Variants in TMEM132E observed in about 807,000 individuals in gnomAD.
TMEM132E encodes the protein transmembrane protein 132E.
Under a neutral mutation model 78.5 loss-of-function variants are expected in TMEM132E, and 49 were observed. The ratio of observed to expected loss-of-function variants is 0.62; its 90% CI spans 0.50 to 0.79. The LOEUF (loss-of-function observed/expected upper bound fraction) is 0.79, where lower values mean the gene tolerates loss of function less well. Among genes scored for constraint, TMEM132E ranks in the 30% least tolerant of loss-of-function variants. TMEM132E has a pLI of 0.00. For synonymous variants in TMEM132E, 715 were observed against 670.6 expected (o/e 1.07, Z -1.02); for missense variants, 1,403 against 1,470.9 (o/e 0.95, Z 0.75).
intron 1 of TMEM132E, among the ~76,000 whole-genome samples, chr17:34,598,761 T>C (rs1567712771): frequency 6.6e-6 from 1 of 152,196 alleles, no homozygotes; most frequent in Non-Finnish European, 1.5e-5. Context: ...TTCCACCAAC[T>C]TGGGGATGTG....
chr17:34,590,330 C>T (rs914275826), intron 1 of TMEM132E, among the ~76,000 whole-genome samples: 22 of 152,332 alleles, frequency 1.4e-4, no homozygotes, highest in Admixed American at 5.9e-4. Flanking sequence ...CCTCCACTCT[C>T]ACCCTTTCCC....
chr17:34,587,780 T>C lies in TMEM132E; in HGVS notation c.67+6637T>C, dbSNP rs73988728. Reference sequence around the variant, plus strand: ...GCCACACACTGCTAAGCTTGAGCATTCTAACTCTTCTGCAGTTCAGATCCA... The same window carrying C: ...GCCACACACTGCTAAGCTTGAGCATCCTAACTCTTCTGCAGTTCAGATCCA... On this transcript the variant is annotated intron_variant, in intron 1 of 8. Transcript: ENST00000631683. 3.7e-3 allele frequency among the ~76,000 whole-genome samples: 562 copies of C among 152,300 alleles called. 7 individuals are homozygous for C. Among genetic ancestry groups the C allele is most frequent in the African/African-American group, 0.013 (538 of 41,566 alleles).
chr17:34,605,462 C>A (rs1314341193), intron 1 of TMEM132E, among the ~76,000 whole-genome samples: 3 of 152,094 alleles, frequency 2.0e-5, no homozygotes, highest in Non-Finnish European at 4.4e-5. Flanking sequence ...CCCCAAGTAC[C>A]CCCAGCATCA....
chr17:34,603,706 C>T (rs4795013), intron 1 of TMEM132E, among the ~76,000 whole-genome samples: 85,092 of 152,010 alleles, frequency 0.56, 25,064 homozygotes, highest in Admixed American at 0.71. Context: ...CTGTCCTCCC[C>T]TCCCTAAGCC....
intron 1 of TMEM132E, among the ~76,000 whole-genome samples, chr17:34,623,149 C>G (rs905709165): frequency 6.6e-6 from 1 of 152,142 alleles, no homozygotes; most frequent in African/African-American, 2.4e-5. Flanking sequence ...TTGGTTTTGC[C>G]AGACCAGGTC....
chr17:34,617,937 G>C (rs1722762445), intron 1 of TMEM132E, among the ~76,000 whole-genome samples: 1 of 152,026 alleles, frequency 6.6e-6, no homozygotes, highest in Non-Finnish European at 1.5e-5. Context: ...CCACCCCCTA[G>C]AGATAACCAC....
intron 1 of TMEM132E, among the ~76,000 whole-genome samples, chr17:34,612,795 G>A (rs960694522): frequency 2.6e-5 from 4 of 152,084 alleles, no homozygotes; most frequent in African/African-American, 4.8e-5. Context: ...CAGGAGGGCC[G>A]GTGGGGCCTA....
chr17:34,606,647 C>A (rs1906421586), intron 1 of TMEM132E, among the ~76,000 whole-genome samples: 1 of 152,214 alleles, frequency 6.6e-6, no homozygotes, highest in South Asian at 2.1e-4. Flanking sequence ...AGCTATGAGC[C>A]CAGTCTCATT....
chr17:34,624,068 A>C (rs1907048835), intron 1 of TMEM132E, among the ~76,000 whole-genome samples: 1 of 152,154 alleles, frequency 6.6e-6, no homozygotes, highest in East Asian at 1.9e-4. Context: ...CGCCTCTTAA[A>C]ACAACTGACC....
In TMEM132E at chr17:34,638,213, G is replaced by A. The variant is rs925259861; in HGVS notation, c.3206G>A (p.Arg1069Lys). The stretch of plus-strand genomic sequence containing the variant: ...CCGGACCTGCACAATTACATGCGCA[G>A]AATCAAAGAGATTGCATAGAGGCGC... ...APPDLHNYMR[R>K]IKEIA The change falls in exon 9 of 9, where the codon AGA (arginine) becomes AAA (lysine). Residue 1069 changes from arginine to lysine, a missense_variant. Coordinates refer to ENST00000631683, the MANE Select transcript of TMEM132E (RefSeq NM_001304438.2). 1.9e-6 allele frequency: 3 copies of A among 1,593,648 alleles called. No individual in the cohort carries two copies. Among genetic ancestry groups the A allele is most frequent in the African/African-American group, 1.3e-5 (1 of 74,180 alleles).
rs753259918 is a variant in TMEM132E at position 34,626,389 on chromosome 17, G to A, written c.330G>A (p.Pro110=). 6.2e-7 allele frequency: 1 copy of A among 1,613,148 alleles called. No individual in the cohort carries two copies. The highest frequency in any genetic ancestry group is 8.5e-7 in the Non-Finnish European group (1 of 1,179,822). ...SQVVARELLQ[P]SSTLDIPERL... ...TGGTGGCGCGGGAGCTCCTGCAGCC[G>A]TCCAGCACCCTGGACATCCCCGAGC... is the stretch of plus-strand genomic sequence containing the variant. The change falls in exon 2 of 9, where the codon CCG becomes CCA. Residue 110 remains proline (P), a synonymous_variant. Coordinates refer to ENST00000631683, the MANE Select transcript of TMEM132E (RefSeq NM_001304438.2).
chr17:34,617,051 A>G (rs758407), intron 1 of TMEM132E, among the ~76,000 whole-genome samples: 96,468 of 152,128 alleles, frequency 0.63, 30,909 homozygotes, highest in East Asian at 0.89. Context: ...TGCTTAGGGA[A>G]GGCAGTGTTC....
At chr17:34,617,150 A>G (rs1406981703) in intron 1 of TMEM132E, among the ~76,000 whole-genome samples, 1 of 152,154 alleles carries the variant, frequency 6.6e-6, no homozygotes, top group Non-Finnish European at 1.5e-5. Flanking sequence ...ACCGCTACCT[A>G]CTTCTAGGTC....
chr17:34,627,678 A>T (rs775667458), intron 2 of TMEM132E, among the ~76,000 whole-genome samples: 1 of 152,136 alleles, frequency 6.6e-6, no homozygotes, highest in Non-Finnish European at 1.5e-5. Context: ...CTGTGGTTTG[A>T]GTTATGTTGT....
chr17:34,592,845 C>T (rs1905922199), intron 1 of TMEM132E, among the ~76,000 whole-genome samples: 1 of 152,234 alleles, frequency 6.6e-6, no homozygotes, highest in Non-Finnish European at 1.5e-5. Flanking sequence ...TCCCCACATT[C>T]CCACCTCTGG....
At chr17:34,581,482 C>T (rs1169603196) in intron 1 of TMEM132E, among the ~76,000 whole-genome samples, 8 of 152,088 alleles carry the variant, frequency 5.3e-5, no homozygotes, top group Non-Finnish European at 1.2e-4. Flanking sequence ...GTCCAGGCCG[C>T]CCCCCGCCCC....
At chr17:34,610,568 A>G (rs1221698987) in intron 1 of TMEM132E, among the ~76,000 whole-genome samples, 1 of 152,214 alleles carries the variant, frequency 6.6e-6, no homozygotes, top group Non-Finnish European at 1.5e-5. Flanking sequence ...ATGCTGCGAG[A>G]AAAAGGACAT....
Position 34,581,198 on chromosome 17 carries a change from G to A in TMEM132E, c.67+55G>A, listed in dbSNP as rs7212426. ...GGATGCGGCAGGCGCCACTGGAGGG[G>A]GTACGGGGAAGACTGGGGAGAGGAG... On this transcript the variant is annotated intron_variant, in intron 1 of 8. Transcript: ENST00000631683. The A allele has an allele frequency of 0.3, 432,101 of 1,442,410 alleles. 68,073 individuals are homozygous for A. The highest frequency in any genetic ancestry group is 0.32 in the Non-Finnish European group (353,235 of 1,092,182). The allele number at this position is 1,442,410 out of a possible 1,614,324, so 89.4% of individuals were successfully genotyped here. A position where few individuals can be genotyped will look rare whatever the true frequency, so the allele number is the denominator to read the frequency against.
At chr17:34,625,999 C>A in intron 1 of TMEM132E, 128 bp from the exon 2 acceptor site, 1 of 896,156 alleles carries the variant, frequency 1.1e-6, no homozygotes, top group Non-Finnish European at 1.6e-6. Flanking sequence ...GACAGCCAGG[C>A]TGAACCTGCC....
Sources: gnomAD v4.1 joint callset for allele counts (sites outside exome capture counted in the v4.1 genomes callset) on GRCh38, gnomAD v4.1.1 for gene constraint, MANE v1.5 for transcripts, NCBI Gene and HGNC (gene_info 2026-07-23, HGNC 2026-07-21) for gene names.